GXYLT2: variants seen among roughly 807,000 people sequenced by gnomAD.
The protein encoded by GXYLT2 is glycosyltransferase 8 domain containing 4.
Under a neutral mutation model 45.8 loss-of-function variants are expected in GXYLT2, and 53 were observed. The observed-to-expected ratio is 1.16, with a 90% CI of 0.93 to 1.46. The LOEUF is 1.46. GXYLT2 is among the 40% of genes most tolerant of loss of function. The probability of loss-of-function intolerance (pLI) is 0.00; values close to 1 mark genes in which losing one functional copy is unlikely to be tolerated. For missense variants in GXYLT2, 551 were observed against 544.4 expected, an observed-to-expected ratio of 1.01 and a Z score of -0.12; for synonymous variants, 219 against 214.2, an observed-to-expected ratio of 1.02 and a Z score of -0.19.
intron 1 of GXYLT2, among the ~76,000 whole-genome samples, chr3:72,900,189 A>T (rs1192243046): frequency 6.6e-6 from 1 of 152,256 alleles, no homozygotes; most frequent in African/African-American, 2.4e-5. Flanking sequence ...CATTATTTAT[A>T]CACTCCAGAA....
At position 72,888,305 on chromosome 3, in the gene GXYLT2, C is replaced by G. The variant is rs566749857; in HGVS notation, c.72C>G (p.Ser24=). The G allele has an allele frequency of 7.1e-4, 706 of 989,426 alleles. 4 individuals carry two copies. In the South Asian group the frequency reaches 0.011, roughly 16 times the overall value. The allele number at this position is 989,426 out of a possible 1,614,324, so 61.3% of individuals were successfully genotyped here. ...ALAALLLALL[S]LRAGRAEPPA... ...CCGCGCTGCTGCTGGCGCTGCTGTCCCTGCGCGCTGGCCGCGCTGAGCCCC... is the reference window on the plus strand; with the variant it reads ...CCGCGCTGCTGCTGGCGCTGCTGTCGCTGCGCGCTGGCCGCGCTGAGCCCC... The change falls in exon 1 of 7, where the codon TCC becomes TCG. Residue 24 remains serine (S), a synonymous_variant. Coordinates refer to ENST00000389617, the MANE Select transcript of GXYLT2 (RefSeq NM_001080393.2).
At chr3:72,935,783 G>A (rs1710165227) in intron 3 of GXYLT2, among the ~76,000 whole-genome samples, 3 of 152,082 alleles carry the variant, frequency 2.0e-5, no homozygotes, top group South Asian at 4.1e-4. Context: ...TGTCTAGGTC[G>A]CAAGACATTT....
intron 6 of GXYLT2, among the ~76,000 whole-genome samples, chr3:72,969,058 A>G (rs575927277): frequency 3.3e-5 from 5 of 151,902 alleles, no homozygotes; most frequent in Non-Finnish European, 7.4e-5. Flanking sequence ...GTGACAGAGC[A>G]AGACTCCATC....
At chr3:72,965,294 T>A (rs867426507) in intron 5 of GXYLT2, among the ~76,000 whole-genome samples, 1 of 152,200 alleles carries the variant, frequency 6.6e-6, no homozygotes, top group Non-Finnish European at 1.5e-5. Flanking sequence ...ATCACTTCAT[T>A]ATTTGCTTTC....
chr3:72,966,706 T>C (rs1575818009), intron 5 of GXYLT2, among the ~76,000 whole-genome samples: 1 of 151,974 alleles, frequency 6.6e-6, no homozygotes. Context: ...CTTGGATCAC[T>C]GCAACCTCTG....
intron 3 of GXYLT2, among the ~76,000 whole-genome samples, chr3:72,923,275 C>T (rs1240183673): frequency 1.3e-5 from 2 of 151,644 alleles, no homozygotes; most frequent in Non-Finnish European, 2.9e-5. Context: ...ATTACCTGGG[C>T]ATGGTGGCGC....
chr3:72,956,323 G>A (rs1710647030), intron 4 of GXYLT2, among the ~76,000 whole-genome samples: 1 of 152,154 alleles, frequency 6.6e-6, no homozygotes, highest in South Asian at 2.1e-4. Context: ...GATACGTCTG[G>A]GGAAAATGGG....
At chr3:72,908,677 C>A in intron 2 of GXYLT2, 118 bp downstream of exon 2, 1 of 813,660 alleles carries the variant, frequency 1.2e-6, no homozygotes, top group Non-Finnish European at 1.9e-6. Context: ...TGACTTTGAA[C>A]ACTTGACTCT....
chr3:72,936,655 CAAAAAAACAACA>C (rs1407153255), intron 3 of GXYLT2, among the ~76,000 whole-genome samples: 2 of 78,066 alleles, frequency 2.6e-5, no homozygotes, highest in African/African-American at 7.0e-5. Context: ...ACAACAACAA[CAAAAAAACAACA>C]AAAAAAAACC....
At chr3:72,969,889 G>T in intron 6 of GXYLT2, among the ~76,000 whole-genome samples, 1 of 117,122 alleles carries the variant, frequency 8.5e-6, no homozygotes, top group Non-Finnish European at 1.7e-5. Context: ...ACAATTTTTT[G>T]TGTATGAAAA....
intron 2 of GXYLT2, among the ~76,000 whole-genome samples, chr3:72,912,229 CG>C (rs1326566706): frequency 6.6e-6 from 1 of 151,808 alleles, no homozygotes; most frequent in Non-Finnish European, 1.5e-5. Context: ...AGGCTTGTCT[CG>C]AACACCTGAC....
chr3:72,944,489 G>A (rs1205024139), intron 3 of GXYLT2, among the ~76,000 whole-genome samples: 2 of 151,588 alleles, frequency 1.3e-5, no homozygotes, highest in African/African-American at 2.4e-5. Context: ...TCCTGACCTC[G>A]AGTGATCCGC....
In GXYLT2 at chr3:72,922,232, A is replaced by G; in HGVS notation, c.497A>G (p.Lys166Arg). 6.2e-7 allele frequency: 1 copy of G among 1,613,732 alleles called. No individual in the cohort carries two copies. Among genetic ancestry groups the G allele is most frequent in the Non-Finnish European group, 8.5e-7 (1 of 1,179,736 alleles). Residue 166 changes from lysine (K) to arginine (R), a missense_variant, in exon 3 of 7, where the codon AAG (lysine) becomes AGG (arginine). By Grantham distance (26) the Lys-to-Arg change is conservative. Transcript: ENST00000389617. Reference protein sequence around the residue: ...QLRQWPDSYTKKFEHRIYPIT... With the variant: ...QLRQWPDSYTRKFEHRIYPIT... ...CGCCAGTGGCCTGACTCATATACAA[A>G]GAAGTTTGAGCACAGAATCTACCCC...
intron 1 of GXYLT2, among the ~76,000 whole-genome samples, chr3:72,895,571 A>G (rs1559724132): frequency 6.6e-6 from 1 of 152,282 alleles, no homozygotes; most frequent in South Asian, 2.1e-4. Flanking sequence ...CCTTAGGAAT[A>G]CTTCATTTAT....
rs147550859 is a variant in GXYLT2 at position 72,912,527 on chromosome 3, T to C, written c.468+3968T>C. On this transcript the variant is annotated intron_variant, in intron 2 of 6. Coordinates refer to ENST00000389617, the MANE Select transcript of GXYLT2 (RefSeq NM_001080393.2). The stretch of plus-strand genomic sequence containing the variant: ...TTAATATATTACATATATATGTACA[T>C]ACACATGTACATACACATATACATA... Among the ~76,000 whole-genome samples, 16 of 152,322 alleles carry C rather than the reference T, an allele frequency of 1.1e-4. No homozygotes were observed. The East Asian group carries it at 2.7e-3, about 26-fold the overall frequency.
intron 5 of GXYLT2, among the ~76,000 whole-genome samples, chr3:72,957,865 G>C (rs1360621994): frequency 6.6e-6 from 1 of 152,172 alleles, no homozygotes; most frequent in African/African-American, 2.4e-5. Context: ...GGATGATTTG[G>C]TGGGGTAGAG....
intron 6 of GXYLT2, among the ~76,000 whole-genome samples, chr3:72,971,157 G>A (rs535337819): frequency 2.0e-5 from 3 of 152,138 alleles, no homozygotes; most frequent in Admixed American, 2.0e-4. Context: ...CCCTGGTTTG[G>A]AGTTGAGCAG....
chr3:72,894,455 C>G (rs1709244591), intron 1 of GXYLT2, among the ~76,000 whole-genome samples: 1 of 152,192 alleles, frequency 6.6e-6, no homozygotes, highest in Non-Finnish European at 1.5e-5. Context: ...GGTGACTTAC[C>G]AGAGGTAGGT....
intron 1 of GXYLT2, among the ~76,000 whole-genome samples, chr3:72,889,896 G>GT (rs369830925): frequency 0.045 from 6,037 of 135,404 alleles, 446 homozygotes; most frequent in African/African-American, 0.16. Flanking sequence ...TTTTCTTTTG[G>GT]TTTTTTTTTT....
Sources: allele counts gnomAD v4.1 joint callset (sites outside exome capture counted in the v4.1 genomes callset), GRCh38; gene constraint gnomAD v4.1.1; transcripts MANE v1.5; gene names NCBI Gene and HGNC (gene_info 2026-07-23, HGNC 2026-07-21).